The following GRB10 variants were observed in gnomAD, a reference collection of about 807,000 sequenced individuals.
GRB10 encodes growth factor receptor bound protein 10, also known as growth factor receptor-bound protein 10.
GRB10 carries 20 observed loss-of-function variants against 80.9 expected under a neutral mutation model. The observed-to-expected ratio is 0.25, with a 90% CI of 0.17 to 0.36. GRB10 has a LOEUF of 0.36. GRB10 is among the 10% of genes least tolerant of loss of function. The pLI, the probability that GRB10 is intolerant of heterozygous loss-of-function variation, is 1.00. For synonymous variants in GRB10, 291 were observed against 291.5 expected (o/e 1.00, Z 0.02); for missense variants, 548 against 747.7 (o/e 0.73, Z 3.12).
Position 50,665,311 on chromosome 7 carries a change from G to A in GRB10, c.504+4411C>T, listed in dbSNP as rs577284701. ...GGTAAACGCAAGACCAATAGACTCT[G>A]GCTTAAATATTAACAAGCCAAAACA... On this transcript the variant is annotated intron_variant, in intron 7 of 18. Coordinates refer to ENST00000401949, the MANE Select transcript of GRB10 (RefSeq NM_001350814.2). Among the ~76,000 whole-genome samples the A allele has an allele frequency of 3.9e-5, 6 of 152,338 alleles. No individual in the cohort carries two copies. The South Asian group carries it at 1.0e-3, about 26-fold the overall frequency.
At chr7:50,740,088 T>C (rs935271833) in intron 3 of GRB10, among the ~76,000 whole-genome samples, 1 of 152,194 alleles carries the variant, frequency 6.6e-6, no homozygotes, top group Non-Finnish European at 1.5e-5. Context: ...AAAATGTGCA[T>C]TTAACAGTAC....
chr7:50,693,665 A>G (rs2063091477), intron 5 of GRB10, among the ~76,000 whole-genome samples: 1 of 152,096 alleles, frequency 6.6e-6, no homozygotes, highest in Non-Finnish European at 1.5e-5. Flanking sequence ...CCAGCTCAGG[A>G]GGCTTTACTA....
chr7:50,600,610 A>G (rs62447500), intron 17 of GRB10, among the ~76,000 whole-genome samples: 24,188 of 152,198 alleles, frequency 0.16, 2,073 homozygotes, highest in Non-Finnish European at 0.2. Context: ...AGGGGGGAAA[A>G]GAATCCAAGT....
intron 4 of GRB10, among the ~76,000 whole-genome samples, chr7:50,722,742 C>T (rs1295342991): frequency 1.3e-5 from 2 of 152,080 alleles, no homozygotes; most frequent in African/African-American, 2.4e-5. Context: ...TCTCCTTCCC[C>T]GACATTACTT....
At chr7:50,618,622 G>A (rs1267592166) in intron 9 of GRB10, among the ~76,000 whole-genome samples, 5 of 152,192 alleles carry the variant, frequency 3.3e-5, no homozygotes, top group African/African-American at 1.2e-4. Flanking sequence ...ATGCAGCTCT[G>A]ACCCATGACT....
At chr7:50,756,171 A>G (rs933772732) in intron 2 of GRB10, 115 bp from the exon 3 acceptor site, 5 of 397,652 alleles carry the variant, frequency 1.3e-5, no homozygotes, top group South Asian at 1.4e-4. Context: ...TTTTTTTCCA[A>G]GAAGATCATT....
At chr7:50,729,917 T>C (rs1011495627) in intron 4 of GRB10, among the ~76,000 whole-genome samples, 3 of 152,116 alleles carry the variant, frequency 2.0e-5, no homozygotes, top group African/African-American at 7.2e-5. Context: ...AACATGTGCC[T>C]GGTACCTGGC....
intron 7 of GRB10, among the ~76,000 whole-genome samples, chr7:50,627,261 C>T (rs2053077182): frequency 1.3e-5 from 2 of 152,134 alleles, no homozygotes; most frequent in Admixed American, 6.5e-5. Flanking sequence ...GGCTAAACCA[C>T]CAAACCTGTC....
intron 4 of GRB10, among the ~76,000 whole-genome samples, chr7:50,707,709 C>T (rs1299367405): frequency 6.6e-6 from 1 of 152,222 alleles, no homozygotes; most frequent in Admixed American, 6.5e-5. Context: ...AGACATGCTA[C>T]CCCACGTATT....
At chr7:50,602,939 T>C (rs2047870671) in intron 17 of GRB10, among the ~76,000 whole-genome samples, 1 of 151,656 alleles carries the variant, frequency 6.6e-6, no homozygotes, top group Non-Finnish European at 1.5e-5. Flanking sequence ...AAAAGAGAGA[T>C]GAAGAGGAGG....
At chr7:50,660,125 C>T (rs1302515139) in intron 7 of GRB10, among the ~76,000 whole-genome samples, 2 of 152,250 alleles carry the variant, frequency 1.3e-5, no homozygotes, top group East Asian at 3.9e-4. Context: ...AGTAGTGGTG[C>T]CGCGTTCATG....
intron 4 of GRB10, among the ~76,000 whole-genome samples, chr7:50,720,874 G>A (rs2067611471): frequency 6.6e-6 from 1 of 151,574 alleles, no homozygotes; most frequent in African/African-American, 2.4e-5. Context: ...GCTGTCTAAA[G>A]CACGATATTA....
At chr7:50,768,331 G>A (rs977014040) in intron 2 of GRB10, among the ~76,000 whole-genome samples, 1 of 152,206 alleles carries the variant, frequency 6.6e-6, no homozygotes, top group African/African-American at 2.4e-5. Context: ...CCTGGCTCTT[G>A]TAACTTGGGT....
intron 3 of GRB10, among the ~76,000 whole-genome samples, chr7:50,738,719 T>C (rs2071219352): frequency 6.6e-6 from 1 of 152,244 alleles, no homozygotes. Flanking sequence ...GTGATTCATA[T>C]TCACAGATAA....
intron 2 of GRB10, among the ~76,000 whole-genome samples, chr7:50,770,851 A>C (rs755745398): frequency 4.6e-5 from 7 of 152,144 alleles, no homozygotes; most frequent in Non-Finnish European, 7.3e-5. Context: ...ATGGAGAAAA[A>C]ATATTTTTTA....
chr7:50,784,218 G>A (rs1346973105), upstream of GRB10, among the ~76,000 whole-genome samples: 3 of 152,328 alleles, frequency 2.0e-5, no homozygotes, highest in East Asian at 1.9e-4. Flanking sequence ...AATGGGAAAT[G>A]GAAGCACAGA....
chr7:50,749,675 T>C (rs990358), intron 3 of GRB10, among the ~76,000 whole-genome samples: 135,348 of 152,190 alleles, frequency 0.89, 60,256 homozygotes, highest in East Asian at 0.96. Context: ...CATCTTCTAA[T>C]GCAATCATCT....
At chr7:50,787,347 C>T (rs1039980693), upstream of GRB10, among the ~76,000 whole-genome samples, 1 of 151,948 alleles carries the variant, frequency 6.6e-6, no homozygotes, top group Non-Finnish European at 1.5e-5. Context: ...TATGGAAGTA[C>T]GTACAGAAAA....
chr7:50,749,726 G>C (rs913097546), intron 3 of GRB10, among the ~76,000 whole-genome samples: 7 of 152,096 alleles, frequency 4.6e-5, no homozygotes, highest in African/African-American at 1.7e-4. Flanking sequence ...TCATCAACTC[G>C]TTGGTCTATG....
Sources: gnomAD v4.1 joint callset for allele counts (sites outside exome capture counted in the v4.1 genomes callset) on GRCh38, gnomAD v4.1.1 for gene constraint, MANE v1.5 for transcripts, NCBI Gene and HGNC (gene_info 2026-07-23, HGNC 2026-07-21) for gene names.